The following CTSO variants were observed in gnomAD, a reference collection of about 807,000 sequenced individuals.
CTSO encodes the protein cathepsin O.
CTSO carries 40 observed loss-of-function variants against 42.4 expected under a neutral mutation model. That is an observed-to-expected ratio of 0.94 (90% confidence interval 0.73 to 1.23). CTSO has a LOEUF of 1.23. Ranked by LOEUF, CTSO falls within the 50% of genes most tolerant of loss-of-function variation. The pLI is 0.00. For synonymous variants in CTSO, 156 were observed against 146.2 expected (o/e 1.07, Z -0.48); for missense variants, 441 against 396.0 (o/e 1.11, Z -0.96).
chr4:155,927,761 C>T (rs1051652795), intron 7 of CTSO, among the ~76,000 whole-genome samples: 2 of 151,224 alleles, frequency 1.3e-5, no homozygotes, highest in Admixed American at 6.6e-5. Flanking sequence ...GGAGACAGAG[C>T]GAGACTCTAT....
intron 4 of CTSO, 35 bp from the exon 5 acceptor site, chr4:155,937,518 C>A: frequency 1.3e-6 from 2 of 1,597,838 alleles, no homozygotes; most frequent in Non-Finnish European, 1.7e-6. Flanking sequence ...TGTTTACTGT[C>A]AATTGTTTTA....
chr4:155,939,461 G>A lies in CTSO; in HGVS notation c.462C>T (p.Asp154=). The A allele has an allele frequency of 6.2e-7, 1 of 1,614,104 alleles. No homozygotes were observed. Among genetic ancestry groups the A allele is most frequent in the Non-Finnish European group, 8.5e-7 (1 of 1,180,006 alleles). The change falls in exon 4 of 8, where the codon GAC becomes GAT. Residue 154 remains aspartate (D), a synonymous_variant. Transcript: ENST00000433477. ...AGTCAATGACCTGCTGGACACTTAG[G>A]TCTTCCAGGGGCTTCCCCTTTATTG... is the stretch of plus-strand genomic sequence containing the variant. The part of the protein sequence containing the change: ...AYAIKGKPLE[D]LSVQQVIDCS...
chr4:155,942,456 G>T lies in CTSO; in HGVS notation c.245C>A (p.Ala82Asp). The T allele has an allele frequency of 2.0e-6, 3 of 1,502,164 alleles. No homozygotes were observed. The highest frequency in any genetic ancestry group is 1.4e-5 in the South Asian group (1 of 70,126). The allele number at this position is 1,502,164 out of a possible 1,614,324, so 93.1% of individuals were successfully genotyped here. The change falls in exon 3 of 8, where the codon GCC (alanine) becomes GAC (aspartate). Residue 82 changes from alanine (A) to aspartate (D), a missense_variant and splice_region_variant. Coordinates refer to ENST00000433477, the MANE Select transcript of CTSO (RefSeq NM_001334.3). ...GGAAGGTTTGCTTCTTAAATAAATG[G>T]CTGAGTAGAAACATAAAATGAAAAT... ...FSYLFPEEFK[A>D]IYLRSKPSKF...
chr4:155,942,576 C>A lies in CTSO; in HGVS notation c.245-120G>T, dbSNP rs1352106732. The A allele has an allele frequency of 1.5e-5, 5 of 332,790 alleles. No individual in the cohort carries two copies. The Admixed American group carries it at 1.6e-4, about 11-fold the overall frequency. The allele number at this position is 332,790 out of a possible 1,614,324, so 20.6% of individuals were successfully genotyped here. A position where few individuals can be genotyped will look rare whatever the true frequency, so the allele number is the denominator to read the frequency against. ...CAATATTATATTATAGGGAGACAACCAATATTATACTAAAAGACAACCAAT... is the reference window on the plus strand; with the variant it reads ...CAATATTATATTATAGGGAGACAACAAATATTATACTAAAAGACAACCAAT... On this transcript the variant is annotated intron_variant, in intron 2 of 7. Transcript: ENST00000433477.
intron 2 of CTSO, among the ~76,000 whole-genome samples, chr4:155,942,906 G>C (rs1212387596): frequency 6.6e-6 from 1 of 152,104 alleles, no homozygotes; most frequent in Non-Finnish European, 1.5e-5. Flanking sequence ...GAAGTGATTA[G>C]ACAATTATCC....
At chr4:155,940,302 G>A (rs1288365365) in intron 3 of CTSO, among the ~76,000 whole-genome samples, 5 of 151,994 alleles carry the variant, frequency 3.3e-5, no homozygotes, top group Non-Finnish European at 7.4e-5. Flanking sequence ...TCACGTAAAA[G>A]GAAGAAGGAT....
chr4:155,928,504 G>T, intron 6 of CTSO, 76 bp from the exon 7 acceptor site: 1 of 1,057,170 alleles, frequency 9.5e-7, no homozygotes, highest in Non-Finnish European at 1.4e-6. Flanking sequence ...TTTATTTTAA[G>T]TTGGATTCTT....
Position 155,947,748 on chromosome 4 carries a change from C to T in CTSO, c.136-4484G>A, listed in dbSNP as rs1278663884. Among the ~76,000 whole-genome samples the T allele has an allele frequency of 2.0e-5, 3 of 152,052 alleles. 1 individual carries two copies. Among genetic ancestry groups the T allele is most frequent in the Non-Finnish European group, 4.4e-5 (3 of 68,018 alleles). On this transcript the variant is annotated intron_variant, in intron 1 of 7. Coordinates refer to ENST00000433477, the MANE Select transcript of CTSO (RefSeq NM_001334.3). Reference sequence around the variant, plus strand: ...TCACAAACTGAAGTCTGTATGAGGCCCTTGCTGCTCATTACATCCAACAAC... The same window carrying T: ...TCACAAACTGAAGTCTGTATGAGGCTCTTGCTGCTCATTACATCCAACAAC...
intron 1 of CTSO, 137 bp downstream of exon 1, chr4:155,953,576 T>G: frequency 2.7e-6 from 3 of 1,093,308 alleles, no homozygotes; most frequent in Non-Finnish European, 3.5e-6. Flanking sequence ...CACCCGCAGC[T>G]CAGGGCCCCA....
At chr4:155,933,400 C>T (rs778129662) in intron 5 of CTSO, among the ~76,000 whole-genome samples, 1 of 152,070 alleles carries the variant, frequency 6.6e-6, no homozygotes, top group Non-Finnish European at 1.5e-5. Flanking sequence ...TTCCCAGTCT[C>T]GGGTATGTCT....
In CTSO at chr4:155,929,710, C is replaced by A. The variant is rs1456244870; in HGVS notation, c.675-5G>T. 1.9e-6 allele frequency: 3 copies of A among 1,599,670 alleles called. No individual in the cohort carries two copies. The highest frequency in any genetic ancestry group is 2.6e-6 in the Non-Finnish European group (3 of 1,175,618). Reference sequence around the variant, plus strand: ...GCCATTTCATCTTCTTGGTCACTACCAAAAGAGGAAATATTTGGTTAGAAA... The same window carrying A: ...GCCATTTCATCTTCTTGGTCACTACAAAAAGAGGAAATATTTGGTTAGAAA... On this transcript the variant is annotated splice_polypyrimidine_tract_variant and splice_region_variant and intron_variant, in intron 5 of 7. Transcript: ENST00000433477.
intron 1 of CTSO, 58 bp from the exon 2 acceptor site, chr4:155,943,322 G>T (rs902678724): frequency 5.0e-6 from 5 of 1,009,462 alleles, no homozygotes; most frequent in East Asian, 4.8e-5. Context: ...AAAGTAAACT[G>T]TGTATAACTA....
In CTSO at chr4:155,928,380, C is replaced by T; in HGVS notation, c.887G>A (p.Gly296Glu). Residue 296 changes from glycine to glutamate, a missense_variant, in exon 7 of 8, where the codon GGA becomes GAA. Gly to Glu is a moderately conservative substitution (Grantham distance 98, BLOSUM62 -2). Transcript: ENST00000433477. ...TTTGACATGGGCATAACCATCTACT[C>T]CCCAAGAACTTCCCCAGGAATTCCG... is the stretch of plus-strand genomic sequence containing the variant. ...IVRNSWGSSW[G>E]VDGYAHVKMG... The T allele has an allele frequency of 6.2e-7, 1 of 1,613,384 alleles. No homozygotes were observed. Among genetic ancestry groups the T allele is most frequent in the South Asian group, 1.1e-5 (1 of 91,012 alleles).
Position 155,937,398 on chromosome 4 carries a change from C to A in CTSO, c.638G>T (p.Gly213Val), listed in dbSNP as rs1743347969. The A allele has an allele frequency of 6.2e-7, 1 of 1,611,542 alleles. No homozygotes were observed. Among genetic ancestry groups the A allele is most frequent in the Non-Finnish European group, 8.5e-7 (1 of 1,177,742 alleles). ...LCHYFSGSHS[G>V]FSIKGYSAYD... ...TGCAGAATAACCTTTGATTGAAAAT[C>A]CAGAATGTGAACCAGAAAAGTAATG... The change falls in exon 5 of 8, where the codon GGA becomes GTA. Residue 213 changes from glycine (G) to valine (V), a missense_variant. Gly to Val is a moderately radical substitution (Grantham distance 109). Coordinates refer to ENST00000433477, the MANE Select transcript of CTSO (RefSeq NM_001334.3).
chr4:155,953,607 G>T, intron 1 of CTSO, 106 bp downstream of exon 1: 1 of 1,209,216 alleles, frequency 8.3e-7, no homozygotes, highest in Non-Finnish European at 1.0e-6. Flanking sequence ...AGAGCCACGG[G>T]TGCCCACGAG....
In CTSO at chr4:155,926,084, AAG is replaced by A. The variant is rs201645904; in HGVS notation, c.932-16_932-15del. 117 of 1,547,384 alleles carry A rather than the reference AAG, an allele frequency of 7.6e-5. No homozygotes were observed. Among genetic ancestry groups the A allele is most frequent in the Middle Eastern group, 5.0e-4 (3 of 5,944 alleles). On this transcript the variant is annotated splice_polypyrimidine_tract_variant and intron_variant, in intron 7 of 7. Transcript: ENST00000433477. ...AATCTGCAATACCTAAGGGAAAAAAAAGGAATTATTAGTCTATTTCCTCTTTA... is the reference window on the plus strand; with the variant it reads ...AATCTGCAATACCTAAGGGAAAAAAAGAATTATTAGTCTATTTCCTCTTTA...
chr4:155,933,808 G>T (rs963523499), intron 5 of CTSO, among the ~76,000 whole-genome samples: 2 of 152,202 alleles, frequency 1.3e-5, no homozygotes, highest in African/African-American at 4.8e-5. Flanking sequence ...TCTGGCGGAA[G>T]AAATTTCTAA....
chr4:155,943,293 T>A (rs771800119), intron 1 of CTSO, 29 bp from the exon 2 acceptor site: 3 of 1,363,028 alleles, frequency 2.2e-6, no homozygotes, highest in African/African-American at 2.9e-5. Flanking sequence ...CTATTTCATA[T>A]CCACTATGTC....
In CTSO at chr4:155,942,405, A is replaced by C; in HGVS notation, c.296T>G (p.Val99Gly). 1 of 1,588,758 alleles carries C rather than the reference A, an allele frequency of 6.3e-7. No individual in the cohort carries two copies. Among genetic ancestry groups the C allele is most frequent in the South Asian group, 1.1e-5 (1 of 87,282 alleles). Residue 99 changes from valine to glycine, a missense_variant, in exon 3 of 8, where the codon GTA (valine) becomes GGA (glycine). Coordinates refer to ENST00000433477, the MANE Select transcript of CTSO (RefSeq NM_001334.3). ...AGACACATTGGGGATGGACATATGT[A>C]CTTCTGCTGAGTATCTGGGAAACTT... is the stretch of plus-strand genomic sequence containing the variant. ...PSKFPRYSAE[V>G]HMSIPNVSLP...
Sources: allele counts gnomAD v4.1 joint callset (sites outside exome capture counted in the v4.1 genomes callset), GRCh38; gene constraint gnomAD v4.1.1; transcripts MANE v1.5; gene names NCBI Gene and HGNC (gene_info 2026-07-23, HGNC 2026-07-21).